The following LCLAT1 variants were observed in gnomAD, a reference collection of about 807,000 sequenced individuals.
LCLAT1 encodes the protein 1-AGP acyltransferase 8.
In LCLAT1, 11 loss-of-function variants were observed where a neutral mutation model predicts 30.7. The ratio of observed to expected loss-of-function variants is 0.36; its 90% CI spans 0.23 to 0.59. The LOEUF (loss-of-function observed/expected upper bound fraction) is 0.59, where lower values mean the gene tolerates loss of function less well. Ranked by LOEUF, LCLAT1 falls within the 20% of genes least tolerant of loss-of-function variation. The pLI is 0.77. For synonymous variants in LCLAT1, 155 were observed against 151.3 expected, an observed-to-expected ratio of 1.02 and a Z score of -0.18; for missense variants, 402 against 458.6, an observed-to-expected ratio of 0.88 and a Z score of 1.13.
chr2:30,597,753 CCATT>C, intron 5 of LCLAT1, among the ~76,000 whole-genome samples: 1 of 152,194 alleles, frequency 6.6e-6, no homozygotes, highest in East Asian at 1.9e-4. Flanking sequence ...CAGCTTTTGC[CCATT>C]CAGTGTAATC....
At chr2:30,550,980 G>A (rs1457370635) in intron 3 of LCLAT1, among the ~76,000 whole-genome samples, 1 of 151,864 alleles carries the variant, frequency 6.6e-6, no homozygotes, top group Non-Finnish European at 1.5e-5. Context: ...TTTGGCCATT[G>A]GGAGTTTTCT....
At chr2:30,521,489 CTTCTTTTTTTTTTTTTTTTTTTTTTT>C (rs1280090888) in intron 1 of LCLAT1, among the ~76,000 whole-genome samples, 1 of 55,560 alleles carries the variant, frequency 1.8e-5, no homozygotes, top group Non-Finnish European at 3.2e-5. Context: ...TAAACTACTT[CTTCTTTTTTTTTTTTTTTTTTTTTTT>C]TTTTTTTTTT....
chr2:30,641,890 T>G lies in LCLAT1; in HGVS notation c.*1271T>G. Reference sequence around the variant, plus strand: ...TTCACTCTGTTGGAGCTGCACACTTTTTTTTCTTTTTTTTTTTCTTTTTTT... The same window carrying G: ...TTCACTCTGTTGGAGCTGCACACTTGTTTTTCTTTTTTTTTTTCTTTTTTT... On this transcript the variant is annotated 3_prime_UTR_variant, in exon 6 of 6. Transcript: ENST00000379509. 8.2e-6 allele frequency: 1 copy of G among 121,250 alleles called. No homozygotes were observed. Among genetic ancestry groups the G allele is most frequent in the Middle Eastern group, 4.7e-3 (1 of 214 alleles). 7.5% of individuals were successfully genotyped at this position (121,250 alleles called of 1,614,324 possible).
At chr2:30,517,497 C>G (rs936789101) in intron 1 of LCLAT1, among the ~76,000 whole-genome samples, 8 of 152,230 alleles carry the variant, frequency 5.3e-5, no homozygotes, top group African/African-American at 1.9e-4. Context: ...AATGCAATCT[C>G]CAAGCCTCAG....
intron 5 of LCLAT1, among the ~76,000 whole-genome samples, chr2:30,612,245 A>C (rs953177349): frequency 2.0e-5 from 3 of 152,158 alleles, no homozygotes; most frequent in African/African-American, 7.2e-5. Context: ...GTCAGGAAAG[A>C]ATTTCAGTTT....
At chr2:30,478,372 G>A (rs988418275) in intron 1 of LCLAT1, among the ~76,000 whole-genome samples, 1 of 152,132 alleles carries the variant, frequency 6.6e-6, no homozygotes, top group African/African-American at 2.4e-5. Context: ...CAGAGTTTTA[G>A]CATGCTACCT....
intron 1 of LCLAT1, among the ~76,000 whole-genome samples, chr2:30,494,074 TG>T (rs1360764573): frequency 6.6e-6 from 1 of 151,780 alleles, no homozygotes; most frequent in Non-Finnish European, 1.5e-5. Flanking sequence ...AAAAAATAAT[TG>T]GCCAGGTTAT....
At chr2:30,479,592 T>C (rs181385427) in intron 1 of LCLAT1, among the ~76,000 whole-genome samples, 1 of 152,304 alleles carries the variant, frequency 6.6e-6, no homozygotes, top group Admixed American at 6.5e-5. Context: ...CAGGTAAGAC[T>C]ACTGATGGTC....
intron 5 of LCLAT1, among the ~76,000 whole-genome samples, chr2:30,603,463 A>AT (rs1437201891): frequency 2.6e-5 from 4 of 151,140 alleles, no homozygotes; most frequent in African/African-American, 7.4e-5. Context: ...GAAACCTTCA[A>AT]TTTTTGCTTT....
At chr2:30,521,864 T>G (rs1685496324) in intron 1 of LCLAT1, among the ~76,000 whole-genome samples, 1 of 152,178 alleles carries the variant, frequency 6.6e-6, no homozygotes, top group Non-Finnish European at 1.5e-5. Flanking sequence ...ACTTGTAATC[T>G]TTGCCAACCG....
intron 4 of LCLAT1, 49 bp from the exon 5 acceptor site, chr2:30,568,011 T>C (rs578103280): frequency 1.0e-6 from 1 of 981,298 alleles, no homozygotes; most frequent in South Asian, 1.5e-5. Context: ...CCTTACCTTG[T>C]TTATTTCCCT....
chr2:30,539,585 C>A (rs796847976), intron 3 of LCLAT1, among the ~76,000 whole-genome samples: 23 of 152,170 alleles, frequency 1.5e-4, no homozygotes, highest in African/African-American at 4.6e-4. Context: ...TAAACAAAAA[C>A]CTTAGATTAC....
At chr2:30,507,371 A>T (rs1364635599) in intron 1 of LCLAT1, among the ~76,000 whole-genome samples, 1 of 152,172 alleles carries the variant, frequency 6.6e-6, no homozygotes, top group Non-Finnish European at 1.5e-5. Flanking sequence ...CAAGTTTGTT[A>T]TATAGGTAAA....
At chr2:30,486,163 A>C (rs374317413) in intron 1 of LCLAT1, among the ~76,000 whole-genome samples, 1 of 152,200 alleles carries the variant, frequency 6.6e-6, no homozygotes, top group Non-Finnish European at 1.5e-5. Flanking sequence ...CTCATTGCCT[A>C]TGGGATAAAG....
chr2:30,604,576 CT>C, intron 5 of LCLAT1, among the ~76,000 whole-genome samples: 1 of 148,270 alleles, frequency 6.7e-6, no homozygotes, highest in Non-Finnish European at 1.5e-5. Context: ...CTTTTTTTCC[CT>C]GGCCATTAAA....
chr2:30,620,026 G>A (rs1333594715), intron 5 of LCLAT1, among the ~76,000 whole-genome samples: 2 of 152,068 alleles, frequency 1.3e-5, no homozygotes, highest in Non-Finnish European at 2.9e-5. Context: ...ATTTTAATAG[G>A]CAACATTCGT....
rs1383515242 is a variant in LCLAT1 at position 30,641,247 on chromosome 2, A to T, written c.*628A>T. On this transcript the variant is annotated 3_prime_UTR_variant, in exon 6 of 6. Coordinates refer to ENST00000379509, the MANE Select transcript of LCLAT1 (RefSeq NM_001002257.3). ...CACCTGTGCCCTTTTCTCTCGTGGA[A>T]GATAAAACCTGGACTCAGGGAGCAA... 1 of 152,220 alleles carries T rather than the reference A, an allele frequency of 6.6e-6. No individual in the cohort carries two copies. The highest frequency in any genetic ancestry group is 1.5e-5 in the Non-Finnish European group (1 of 68,068). 9.4% of individuals were successfully genotyped at this position (152,220 alleles called of 1,614,324 possible).
At chr2:30,561,543 A>C (rs1665222587) in intron 3 of LCLAT1, among the ~76,000 whole-genome samples, 1 of 152,200 alleles carries the variant, frequency 6.6e-6, no homozygotes, top group African/African-American at 2.4e-5. Context: ...TTCAAAGAGC[A>C]AGGGTGATTT....
Position 30,560,627 on chromosome 2 carries a change from A to G in LCLAT1, c.365-1519A>G, listed in dbSNP as rs146567937. 1.4e-4 allele frequency among the ~76,000 whole-genome samples: 21 copies of G among 152,266 alleles called. No individual in the cohort carries two copies. The East Asian group carries it at 4.1e-3, about 29-fold the overall frequency. On this transcript the variant is annotated intron_variant, in intron 3 of 5. Transcript: ENST00000379509. The stretch of plus-strand genomic sequence containing the variant: ...GCTGGGATTACAGGCATGAGCCACC[A>G]TGCCTGGCTATGTGTGTATTTAATC...
Sources: allele counts gnomAD v4.1 joint callset (sites outside exome capture counted in the v4.1 genomes callset), GRCh38; gene constraint gnomAD v4.1.1; transcripts MANE v1.5; gene names NCBI Gene and HGNC (gene_info 2026-07-23, HGNC 2026-07-21).